Variants in VPS13C observed in about 807,000 individuals in gnomAD.
VPS13C encodes the protein intermembrane lipid transfer protein VPS13C.
Under a neutral mutation model 456.8 loss-of-function variants are expected in VPS13C, and 358 were observed. The observed-to-expected ratio is 0.78, with a 90% CI of 0.72 to 0.86. The LOEUF is 0.86. VPS13C is among the 40% of genes least tolerant of loss of function. The pLI is 0.00. For synonymous variants in VPS13C, 1,578 were observed against 1,486.7 expected, an observed-to-expected ratio of 1.06 and a Z score of -1.41; for missense variants, 4,818 against 4,385.4, an observed-to-expected ratio of 1.10 and a Z score of -2.79.
intron 16 of VPS13C, among the ~76,000 whole-genome samples, chr15:61,993,548 C>G (rs34257602): frequency 2.0e-5 from 3 of 151,774 alleles, no homozygotes; most frequent in Non-Finnish European, 4.4e-5. Flanking sequence ...TTAGCATTAG[C>G]GTTGAAATCT....
intron 58 of VPS13C, among the ~76,000 whole-genome samples, chr15:61,918,743 G>C (rs2043553146): frequency 6.6e-6 from 1 of 151,904 alleles, no homozygotes; most frequent in Admixed American, 6.6e-5. Flanking sequence ...TGATGTTACA[G>C]GTAGGAAAAA....
At chr15:61,887,782 T>C (rs904213308) in intron 67 of VPS13C, among the ~76,000 whole-genome samples, 1 of 152,246 alleles carries the variant, frequency 6.6e-6, no homozygotes. Flanking sequence ...GAAATAAAGC[T>C]AACTTTCGGT....
At chr15:61,962,271 C>T in intron 34 of VPS13C, 100 bp downstream of exon 34, 1 of 1,063,490 alleles carries the variant, frequency 9.4e-7, no homozygotes, top group Non-Finnish European at 1.3e-6. Flanking sequence ...TAAAATAATG[C>T]CCACTCTAAA....
chr15:61,912,798 C>A (rs1468400077), intron 62 of VPS13C, among the ~76,000 whole-genome samples: 3 of 112,800 alleles, frequency 2.7e-5, no homozygotes, highest in Admixed American at 9.7e-5. Context: ...CCCCCTCCCC[C>A]CACCCCAAAA....
At chr15:62,036,261 G>C (rs1206979307) in intron 3 of VPS13C, among the ~76,000 whole-genome samples, 3 of 151,856 alleles carry the variant, frequency 2.0e-5, no homozygotes, top group Non-Finnish European at 4.4e-5. Flanking sequence ...TACACCACCA[G>C]AATCACTGGT....
intron 16 of VPS13C, among the ~76,000 whole-genome samples, chr15:61,996,732 T>A (rs1014047143): frequency 2.6e-5 from 4 of 151,360 alleles, no homozygotes; most frequent in East Asian, 1.9e-4. Flanking sequence ...ACTCCCAGGA[T>A]GGGTTCAATA....
rs759715068 is a variant in VPS13C, at chr15:61,874,956, CA to C, written c.10339-6del. 781 of 1,497,894 alleles carry C rather than the reference CA, an allele frequency of 5.2e-4. No individual in the cohort carries two copies. The highest frequency in any genetic ancestry group is 1.5e-3 in the South Asian group (109 of 72,378). 92.8% of individuals were successfully genotyped at this position (1,497,894 alleles called of 1,614,324 possible). ...TTCAGGGCCTTGAACAGCACCCTGG[CA>C]AAAAAAAATAAAAAATAATCTTATT... On this transcript the variant is annotated splice_polypyrimidine_tract_variant and splice_region_variant and intron_variant, in intron 76 of 84. Coordinates refer to ENST00000644861, the MANE Select transcript of VPS13C (RefSeq NM_020821.3).
intron 9 of VPS13C, among the ~76,000 whole-genome samples, chr15:62,017,336 T>C (rs1449061633): frequency 1.3e-5 from 2 of 152,140 alleles, no homozygotes; most frequent in Admixed American, 1.3e-4. Context: ...TTGCTTTTGG[T>C]GTTTTAGACA....
chr15:62,041,500 T>G (rs2048239915), intron 2 of VPS13C, 134 bp from the exon 3 acceptor site: 1 of 803,628 alleles, frequency 1.2e-6, no homozygotes, highest in South Asian at 1.9e-5. Context: ...GAATAACTCA[T>G]AAAGGACATG....
chr15:61,989,824 C>T (rs977302442), intron 18 of VPS13C, among the ~76,000 whole-genome samples: 9 of 152,108 alleles, frequency 5.9e-5, no homozygotes, highest in African/African-American at 1.4e-4. Context: ...AATAATTATC[C>T]TCGCATACTG....
chr15:61,932,935 A>C (rs1596348865), intron 49 of VPS13C, among the ~76,000 whole-genome samples: 1 of 152,116 alleles, frequency 6.6e-6, no homozygotes, highest in Non-Finnish European at 1.5e-5. Flanking sequence ...ATATAACACA[A>C]TGTTTATTAG....
In VPS13C at chr15:61,890,245, T is replaced by C. The variant is rs758244511; in HGVS notation, c.9261A>G (p.Ile3087Met). 1 of 1,614,130 alleles carries C rather than the reference T, an allele frequency of 6.2e-7. No individual in the cohort carries two copies. Among genetic ancestry groups the C allele is most frequent in the Non-Finnish European group, 8.5e-7 (1 of 1,180,008 alleles). Residue 3087 changes from isoleucine to methionine, a missense_variant, in exon 67 of 85, where the codon ATA becomes ATG. Transcript: ENST00000644861. ...AEEMEQADYE[I>M]TLSLHSLGLS... ...GCCCAAGACTGTGGAGAGACAAGGT[T>C]ATTTCATAATCAGCCTGTTCCATTT...
chr15:62,040,742 T>C (rs1441358368), intron 3 of VPS13C, among the ~76,000 whole-genome samples: 1 of 151,946 alleles, frequency 6.6e-6, no homozygotes, highest in East Asian at 1.9e-4. Context: ...TAAATAAAAA[T>C]AAAAACCAGA....
Position 61,922,605 on chromosome 15 carries a change from G to C in VPS13C, c.6767C>G (p.Thr2256Arg). The C allele has an allele frequency of 6.2e-7, 1 of 1,613,876 alleles. No homozygotes were observed. The highest frequency in any genetic ancestry group is 8.5e-7 in the Non-Finnish European group (1 of 1,179,960). Residue 2256 changes from threonine to arginine, a missense_variant, in exon 54 of 85, where the codon ACG (threonine) becomes AGG (arginine). This residue lies in a region of VPS13C where 4,552 missense variants were observed against 4,130.6 expected (regional missense o/e 1.10). Coordinates refer to ENST00000644861, the MANE Select transcript of VPS13C (RefSeq NM_020821.3). The part of the protein sequence containing the change: ...DYNTWFLGVD[T>R]ATEITESFKG... The stretch of plus-strand genomic sequence containing the variant: ...GAAGCTTTCCGTTATTTCTGTTGCC[G>C]TGTCAACACCAAGAAACCAAGTGTT...
At chr15:61,955,184 T>C (rs1209193156) in intron 37 of VPS13C, among the ~76,000 whole-genome samples, 2 of 152,198 alleles carry the variant, frequency 1.3e-5, no homozygotes, top group African/African-American at 4.8e-5. Context: ...TATCACTTGC[T>C]AAGTGCTCAT....
chr15:61,894,520 G>A (rs1050070088), intron 66 of VPS13C, among the ~76,000 whole-genome samples: 5 of 151,846 alleles, frequency 3.3e-5, no homozygotes, highest in East Asian at 1.9e-4. Flanking sequence ...TAGGGTGAAC[G>A]TGAAGGGATA....
intron 3 of VPS13C, among the ~76,000 whole-genome samples, chr15:62,036,979 T>A (rs1387297563): frequency 6.7e-6 from 1 of 149,650 alleles, no homozygotes; most frequent in Non-Finnish European, 1.5e-5. Context: ...ACAACTAATA[T>A]AAATGCTCTG....
rs537877149 is a variant in VPS13C at position 61,917,328 on chromosome 15, G to GC, written c.8055+12dup. 3.5e-5 allele frequency: 57 copies of GC among 1,606,292 alleles called. 1 individual carries two copies. The East Asian group carries it at 1.2e-3, about 35-fold the overall frequency. ...TGCAACAACAAAAATCAAACAAAAT[G>GC]CAAGAGACATACCTCAAGTAAATAT... is the stretch of plus-strand genomic sequence containing the variant. On this transcript the variant is annotated intron_variant, in intron 60 of 84. Transcript: ENST00000644861.
intron 9 of VPS13C, among the ~76,000 whole-genome samples, chr15:62,017,350 A>G (rs569013853): frequency 6.6e-6 from 1 of 152,252 alleles, no homozygotes; most frequent in Admixed American, 6.5e-5. Flanking sequence ...TTAGACATGA[A>G]GTCCTTGCCC....
Sources: gnomAD v4.1 joint callset for allele counts (sites outside exome capture counted in the v4.1 genomes callset) on GRCh38, gnomAD v4.1.1 for gene constraint, gnomAD v4.1.1 regional missense constraint, MANE v1.5 for transcripts, NCBI Gene and HGNC (gene_info 2026-07-23, HGNC 2026-07-21) for gene names.